SGCZ: variants seen among roughly 807,000 people sequenced by gnomAD.
SGCZ encodes zeta-sarcoglycan.
In SGCZ, 40 loss-of-function variants were observed where a neutral mutation model predicts 41.3. The observed-to-expected ratio is 0.97, with a 90% CI of 0.75 to 1.26. The LOEUF is 1.26. Among genes scored for constraint, SGCZ ranks in the 50% most tolerant of loss-of-function variants. The pLI is 0.00. For missense variants in SGCZ, 552 were observed against 369.8 expected, an observed-to-expected ratio of 1.49 and a Z score of -4.04; for synonymous variants, 206 against 137.5, an observed-to-expected ratio of 1.50 and a Z score of -3.49.
intron 1 of SGCZ, among the ~76,000 whole-genome samples, chr8:15,225,520 G>A (rs1372863779): frequency 5.9e-5 from 9 of 152,120 alleles, no homozygotes; most frequent in Admixed American, 2.0e-4. Context: ...GCACATGCAC[G>A]TGTTCACATA....
chr8:14,220,098 G>A (rs973131226), intron 4 of SGCZ, among the ~76,000 whole-genome samples: 6 of 152,124 alleles, frequency 3.9e-5, no homozygotes, highest in African/African-American at 1.4e-4. Flanking sequence ...TAATAGATCG[G>A]TGCTTCTATT....
At position 14,551,463 on chromosome 8, in the gene SGCZ, AT is replaced by A. The variant is rs1209485566; in HGVS notation, c.234+3268del. ...ACTATTTCATATATATATTATATAT[AT>A]TATATATATTATATATTATATATAT... On this transcript the variant is annotated intron_variant, in intron 2 of 7. Transcript: ENST00000382080. Among the ~76,000 whole-genome samples the A allele has an allele frequency of 3.4e-3, 37 of 10,986 alleles. 6 individuals carry two copies. In the East Asian group the frequency reaches 0.07, roughly 21 times the overall value. 7.2% of individuals were successfully genotyped at this position (10,986 alleles called of 152,430 possible).
intron 2 of SGCZ, among the ~76,000 whole-genome samples, chr8:14,408,075 C>A (rs2117267673): frequency 6.6e-6 from 1 of 152,270 alleles, no homozygotes; most frequent in East Asian, 1.9e-4. Context: ...TGGGAATTCA[C>A]TTCCTTTTCA....
At chr8:14,709,557 G>A (rs973321392) in intron 1 of SGCZ, among the ~76,000 whole-genome samples, 1 of 152,056 alleles carries the variant, frequency 6.6e-6, no homozygotes, top group Non-Finnish European at 1.5e-5. Context: ...TAATTCGCTT[G>A]TTACGGCATA....
At chr8:15,104,336 T>C (rs1806733659) in intron 1 of SGCZ, among the ~76,000 whole-genome samples, 2 of 152,112 alleles carry the variant, frequency 1.3e-5, no homozygotes, top group Non-Finnish European at 2.9e-5. Flanking sequence ...TGCAAAGCAT[T>C]AGATAAAAGC....
intron 1 of SGCZ, among the ~76,000 whole-genome samples, chr8:14,721,640 G>A (rs1809890074): frequency 6.6e-6 from 1 of 152,136 alleles, no homozygotes; most frequent in Non-Finnish European, 1.5e-5. Flanking sequence ...GGATTATTAT[G>A]ATGGTTTTAT....
intron 3 of SGCZ, among the ~76,000 whole-genome samples, chr8:14,276,060 G>C (rs1356455842): frequency 2.6e-5 from 4 of 152,198 alleles, no homozygotes; most frequent in Admixed American, 6.5e-5. Flanking sequence ...CTGTGCTAGA[G>C]GTGGACCTGC....
intron 2 of SGCZ, among the ~76,000 whole-genome samples, chr8:14,510,289 C>A (rs1298033668): frequency 6.6e-6 from 1 of 152,006 alleles, no homozygotes; most frequent in Non-Finnish European, 1.5e-5. Context: ...AATGAGAAGA[C>A]TGAAGTTGTA....
intron 2 of SGCZ, among the ~76,000 whole-genome samples, chr8:14,459,376 C>T (rs191689337): frequency 8.6e-4 from 130 of 151,734 alleles, no homozygotes; most frequent in Admixed American, 1.8e-3. Context: ...ATGTAACAAA[C>T]CTGCACATTG....
In SGCZ at chr8:15,186,262, C is replaced by CAAAA. The variant is rs61237091; in HGVS notation, c.39+51319_39+51322dup. Among the ~76,000 whole-genome samples, 11 of 80,718 alleles carry CAAAA rather than the reference C, an allele frequency of 1.4e-4. 1 individual carries two copies. The highest frequency in any genetic ancestry group is 4.2e-4 in the Admixed American group (3 of 7,204). The allele number at this position is 80,718 out of a possible 152,430, so 53.0% of individuals were successfully genotyped here. On this transcript the variant is annotated intron_variant, in intron 1 of 7. Coordinates refer to ENST00000382080, the MANE Select transcript of SGCZ (RefSeq NM_139167.4). Reference sequence around the variant, plus strand: ...GGGCAACAGAGGGAAGATTCCGTACCAAAAAAAAAAAAAAAAAAAAAAAAA... The same window carrying CAAAA: ...GGGCAACAGAGGGAAGATTCCGTACCAAAAAAAAAAAAAAAAAAAAAAAAAAAAA...
chr8:14,360,540 G>T (rs1388792795), intron 2 of SGCZ, among the ~76,000 whole-genome samples: 1 of 152,010 alleles, frequency 6.6e-6, no homozygotes, highest in Non-Finnish European at 1.5e-5. Flanking sequence ...TGGCCAGGCT[G>T]GTCTCGAACT....
intron 1 of SGCZ, among the ~76,000 whole-genome samples, chr8:14,945,764 G>T (rs1800423030): frequency 6.6e-6 from 1 of 151,212 alleles, no homozygotes; most frequent in South Asian, 2.1e-4. Context: ...TCCTTCTTCT[G>T]CCCTAGAACA....
intron 1 of SGCZ, among the ~76,000 whole-genome samples, chr8:15,047,658 A>G (rs1804362007): frequency 1.3e-5 from 2 of 152,178 alleles, no homozygotes; most frequent in East Asian, 1.9e-4. Flanking sequence ...TAGTCTGTTT[A>G]GATACTATAA....
intron 1 of SGCZ, among the ~76,000 whole-genome samples, chr8:15,202,293 G>C (rs1460610044): frequency 6.6e-6 from 1 of 152,138 alleles, no homozygotes; most frequent in Admixed American, 6.5e-5. Flanking sequence ...GTAGAATAAA[G>C]AAATGTGACA....
intron 2 of SGCZ, among the ~76,000 whole-genome samples, chr8:14,489,866 C>CATTTTTTTTTTTTTTTTTT (rs142314868): frequency 2.2e-5 from 3 of 137,480 alleles, no homozygotes; most frequent in African/African-American, 5.7e-5. Flanking sequence ...AATTCTCCTA[C>CATTTTTTTTTTTTTTTTTT]CTTTTTTTTT....
At chr8:14,658,530 G>A (rs914980818) in intron 1 of SGCZ, among the ~76,000 whole-genome samples, 71 of 151,790 alleles carry the variant, frequency 4.7e-4, no homozygotes, top group African/African-American at 1.6e-3. Flanking sequence ...CCTTTGACCT[G>A]TTATGCTTTT....
chr8:14,183,325 T>A (rs1383277706), intron 4 of SGCZ, among the ~76,000 whole-genome samples: 1 of 151,860 alleles, frequency 6.6e-6, no homozygotes, highest in Admixed American at 6.6e-5. Flanking sequence ...TTCTAGGTTT[T>A]CAGGAAGAAA....
At chr8:14,681,717 TA>T (rs1808451540) in intron 1 of SGCZ, among the ~76,000 whole-genome samples, 2 of 152,188 alleles carry the variant, frequency 1.3e-5, no homozygotes. Flanking sequence ...ATTAATTCTA[TA>T]ATTTAGCAGC....
At chr8:14,226,707 G>T (rs1806385379) in intron 4 of SGCZ, among the ~76,000 whole-genome samples, 1 of 151,938 alleles carries the variant, frequency 6.6e-6, no homozygotes, top group African/African-American at 2.4e-5. Context: ...TATTTAACTT[G>T]GGCAATCACC....
Sources: allele counts gnomAD v4.1 joint callset (sites outside exome capture counted in the v4.1 genomes callset), GRCh38; gene constraint gnomAD v4.1.1; transcripts MANE v1.5; gene names NCBI Gene and HGNC (gene_info 2026-07-23, HGNC 2026-07-21).